The following ANKS1A variants were observed in gnomAD, a reference collection of about 807,000 sequenced individuals.
ANKS1A encodes the protein ankyrin repeat and sterile alpha motif domain containing 1A, also known as ankyrin repeat and SAM domain-containing protein 1A.
ANKS1A carries 55 observed loss-of-function variants against 120.3 expected under a neutral mutation model. That is an observed-to-expected ratio of 0.46 (90% CI 0.37 to 0.57). The LOEUF (loss-of-function observed/expected upper bound fraction) is 0.57, where lower values mean the gene tolerates loss of function less well. Among genes scored for constraint, ANKS1A ranks in the 20% least tolerant of loss-of-function variants. The pLI, the probability that ANKS1A is intolerant of heterozygous loss-of-function variation, is 0.00. For synonymous variants in ANKS1A, 590 were observed against 604.7 expected, an observed-to-expected ratio of 0.98 and a Z score of 0.36; for missense variants, 1,123 against 1,480.3, an observed-to-expected ratio of 0.76 and a Z score of 3.96.
In ANKS1A at chr6:35,085,990, G is replaced by A; in HGVS notation, c.3303+54G>A. 6.5e-7 allele frequency: 1 copy of A among 1,532,568 alleles called. No individual in the cohort carries two copies. The highest frequency in any genetic ancestry group is 8.7e-7 in the Non-Finnish European group (1 of 1,146,820). The allele number at this position is 1,532,568 out of a possible 1,614,324, so 94.9% of individuals were successfully genotyped here. A position where few individuals can be genotyped will look rare whatever the true frequency, so the allele number is the denominator to read the frequency against. ...CCTCTCCCTGGCCCCAGGGATTCAA[G>A]GGCTCAGGGTGGTCAGCGTGAGGAG... On this transcript the variant is annotated intron_variant, in intron 22 of 23. Transcript: ENST00000360359. This position sits in a 1 kb window ranked among gnomAD's most constrained non-coding sequence, Gnocchi z 4.7.
At chr6:34,961,300 A>C (rs1445245835) in intron 1 of ANKS1A, among the ~76,000 whole-genome samples, 1 of 152,212 alleles carries the variant, frequency 6.6e-6, no homozygotes, top group Non-Finnish European at 1.5e-5. Context: ...AAAAAGGAAG[A>C]AACTTGGGTG....
chr6:35,070,420 A>G (rs1777018551), intron 13 of ANKS1A, among the ~76,000 whole-genome samples: 1 of 151,772 alleles, frequency 6.6e-6, no homozygotes, highest in African/African-American at 2.4e-5. Context: ...TATTGCCTCT[A>G]AGGGTGAATC....
intron 19 of ANKS1A, 61 bp downstream of exon 19, chr6:35,083,287 G>A (rs1777787765): frequency 1.9e-5 from 30 of 1,602,860 alleles, no homozygotes; most frequent in Non-Finnish European, 2.4e-5. Flanking sequence ...GCAGCAATGG[G>A]GGCAGTAGCT....
chr6:34,966,917 G>T (rs1770921775), intron 1 of ANKS1A, among the ~76,000 whole-genome samples: 1 of 152,132 alleles, frequency 6.6e-6, no homozygotes, highest in Non-Finnish European at 1.5e-5. Flanking sequence ...ACCTGTGACT[G>T]GCGGAGAGGT....
chr6:35,095,583 C>T (rs538836618), downstream of ANKS1A, among the ~76,000 whole-genome samples: 10 of 105,156 alleles, frequency 9.5e-5, no homozygotes, highest in South Asian at 1.2e-3. Flanking sequence ...AAAGGAAAGA[C>T]GAAAGAAAGA....
intron 9 of ANKS1A, among the ~76,000 whole-genome samples, chr6:34,993,925 C>A (rs150746147): frequency 4.4e-4 from 67 of 152,252 alleles, no homozygotes; most frequent in African/African-American, 1.3e-3. Context: ...TTTTATTTAG[C>A]ATTTTTTGAA....
intron 11 of ANKS1A, among the ~76,000 whole-genome samples, chr6:35,045,090 C>T (rs1425315048): frequency 1.3e-5 from 2 of 152,208 alleles, no homozygotes; most frequent in African/African-American, 4.8e-5. Flanking sequence ...CAGATCTCAC[C>T]ATCCATGCTT....
At chr6:34,904,662 G>A (rs1201180572) in intron 1 of ANKS1A, among the ~76,000 whole-genome samples, 1 of 152,200 alleles carries the variant, frequency 6.6e-6, no homozygotes, top group East Asian at 1.9e-4. Context: ...AACCTGGGAG[G>A]TGGAGGTTAC....
chr6:34,945,885 T>C (rs1287185877), intron 1 of ANKS1A, among the ~76,000 whole-genome samples: 4 of 152,054 alleles, frequency 2.6e-5, no homozygotes, highest in Non-Finnish European at 5.9e-5. Flanking sequence ...CCTTTTAATA[T>C]CTATGGGATC....
intron 12 of ANKS1A, 143 bp downstream of exon 12, chr6:35,054,308 T>C: frequency 4.4e-6 from 3 of 684,866 alleles, no homozygotes; most frequent in Non-Finnish European, 7.6e-6. Flanking sequence ...TATAATTCAG[T>C]CTCCAATACC....
chr6:34,998,652 A>G (rs1581621331), intron 10 of ANKS1A, among the ~76,000 whole-genome samples: 2 of 152,100 alleles, frequency 1.3e-5, no homozygotes, highest in African/African-American at 4.8e-5. Context: ...TGCTTGCTCA[A>G]TCGATCATGA....
chr6:35,062,814 ACCT>A (rs1776579994), intron 13 of ANKS1A, among the ~76,000 whole-genome samples: 1 of 152,186 alleles, frequency 6.6e-6, no homozygotes, highest in Non-Finnish European at 1.5e-5. Context: ...GGAATTCACT[ACCT>A]TGTAAGGAGG....
chr6:35,008,835 T>C (rs1392711545), intron 10 of ANKS1A, among the ~76,000 whole-genome samples: 7 of 152,208 alleles, frequency 4.6e-5, no homozygotes, highest in Non-Finnish European at 1.5e-5. Context: ...TGGATGGCTT[T>C]ATTAACGAAA....
At chr6:34,921,686 G>A (rs1326483643) in intron 1 of ANKS1A, among the ~76,000 whole-genome samples, 1 of 152,156 alleles carries the variant, frequency 6.6e-6, no homozygotes, top group Non-Finnish European at 1.5e-5. Flanking sequence ...GGACTGCTGA[G>A]AGGAGCTTCC....
intron 1 of ANKS1A, among the ~76,000 whole-genome samples, chr6:34,896,933 C>T (rs893501572): frequency 2.6e-5 from 4 of 152,016 alleles, no homozygotes; most frequent in African/African-American, 9.7e-5. Context: ...CATTGCACTC[C>T]AGCCTGGGCA....
At chr6:34,911,864 C>T (rs191265913) in intron 1 of ANKS1A, among the ~76,000 whole-genome samples, 173 of 152,224 alleles carry the variant, frequency 1.1e-3, no homozygotes, top group Non-Finnish European at 2.1e-3. Flanking sequence ...CCCCTTGGGT[C>T]ATATATAATA....
intron 11 of ANKS1A, among the ~76,000 whole-genome samples, chr6:35,053,801 G>T (rs1279289318): frequency 1.3e-5 from 2 of 152,268 alleles, no homozygotes; most frequent in Non-Finnish European, 2.9e-5. Flanking sequence ...TGGGAGAACT[G>T]CTGGGGAGTG....
Position 35,017,741 on chromosome 6 carries a change from G to A in ANKS1A, c.1692G>A (p.Lys564=). The A allele has an allele frequency of 3.7e-6, 6 of 1,614,112 alleles. No individual in the cohort carries two copies. Among genetic ancestry groups the A allele is most frequent in the Non-Finnish European group, 5.1e-6 (6 of 1,180,034 alleles). ...AGCCCAGTGCCCTGGACCAGAGCAAGAGAGTGGGCTACCTCACAGGCCTGC... is the reference window on the plus strand; with the variant it reads ...AGCCCAGTGCCCTGGACCAGAGCAAAAGAGTGGGCTACCTCACAGGCCTGC... ...ASQPSALDQS[K]RVGYLTGLPT... is the part of the protein sequence containing the mutation. Residue 564 remains lysine, a synonymous_variant, in exon 11 of 24, where the codon AAG becomes AAA. Coordinates refer to ENST00000360359, the MANE Select transcript of ANKS1A (RefSeq NM_015245.3).
intron 11 of ANKS1A, among the ~76,000 whole-genome samples, chr6:35,033,967 G>A (rs775070371): frequency 6.6e-6 from 1 of 152,128 alleles, no homozygotes; most frequent in African/African-American, 2.4e-5. Context: ...CCTTTGGTCG[G>A]TGGTTCCACA....
Sources: allele counts gnomAD v4.1 joint callset (sites outside exome capture counted in the v4.1 genomes callset), GRCh38; gene constraint gnomAD v4.1.1; non-coding constraint Gnocchi (gnomAD v3.1); transcripts MANE v1.5; gene names NCBI Gene and HGNC (gene_info 2026-07-23, HGNC 2026-07-21).